Variants in CCDC198 observed in about 807,000 individuals in gnomAD.
CCDC198 encodes factor associated with metabolism and energy.
In CCDC198, 18 loss-of-function variants were observed where a neutral mutation model predicts 35.6. The ratio of observed to expected loss-of-function variants is 0.51; its 90% CI spans 0.35 to 0.75. CCDC198 has a LOEUF of 0.75. Among genes scored for constraint, CCDC198 ranks in the 30% least tolerant of loss-of-function variants. The pLI is 0.01. For missense variants in CCDC198, 365 were observed against 343.7 expected (o/e 1.06, Z -0.49); for synonymous variants, 119 against 113.4 (o/e 1.05, Z -0.31).
At chr14:57,481,781 T>C in intron 3 of CCDC198, 121 bp from the exon 4 acceptor site, 1 of 626,980 alleles carries the variant, frequency 1.6e-6, no homozygotes, top group South Asian at 2.1e-5. Context: ...TAGAGATATC[T>C]TGTGATGACA....
intron 2 of CCDC198, among the ~76,000 whole-genome samples, chr14:57,483,840 A>G (rs1030038371): frequency 6.6e-6 from 1 of 152,220 alleles, no homozygotes; most frequent in Non-Finnish European, 1.5e-5. Flanking sequence ...TTGACATGCA[A>G]TGGGGAACGT....
Position 57,481,551 on chromosome 14 carries a change from GT to G in CCDC198, c.495+7del. On this transcript the variant is annotated splice_region_variant and intron_variant, in intron 4 of 5. Coordinates refer to ENST00000216445, the MANE Select transcript of CCDC198 (RefSeq NM_018168.4). ...ATTTGGTAAATATGACACTCTTCTC[GT>G]ATTTACCTCTTGTCTTTTACGGATC... is the stretch of plus-strand genomic sequence containing the variant. 6.3e-7 allele frequency: 1 copy of G among 1,587,108 alleles called. No homozygotes were observed. Among genetic ancestry groups the G allele is most frequent in the Non-Finnish European group, 8.6e-7 (1 of 1,157,204 alleles).
chr14:57,474,872 G>T (rs2066920247), intron 5 of CCDC198, among the ~76,000 whole-genome samples: 1 of 152,216 alleles, frequency 6.6e-6, no homozygotes, highest in Non-Finnish European at 1.5e-5. Flanking sequence ...ATCACGTAAA[G>T]CATGAAAACT....
intron 5 of CCDC198, among the ~76,000 whole-genome samples, chr14:57,479,336 A>G (rs2067108083): frequency 1.3e-5 from 2 of 152,108 alleles, no homozygotes; most frequent in Non-Finnish European, 1.5e-5. Context: ...TTGTCCTCCC[A>G]CCTCAGCCTT....
In CCDC198 at chr14:57,471,537, G is replaced by A. The variant is rs1178126362; in HGVS notation, c.709C>T (p.Pro237Ser). 1 of 1,613,300 alleles carries A rather than the reference G, an allele frequency of 6.2e-7. No homozygotes were observed. The highest frequency in any genetic ancestry group is 1.7e-5 in the Admixed American group (1 of 59,912). Reference sequence around the variant, plus strand: ...GTTTCCATTTTGCCAATTTTCCAGGGACAGTAGTTATTCACTGCTTGATGT... The same window carrying A: ...GTTTCCATTTTGCCAATTTTCCAGGAACAGTAGTTATTCACTGCTTGATGT... ...LKHQAVNNYC[P>S]WKIGKMETWL... is the part of the protein sequence containing the mutation. The change falls in exon 6 of 6, where the codon CCC becomes TCC. Residue 237 changes from proline to serine, a missense_variant. Physicochemically the swap from Pro to Ser is moderately conservative, Grantham distance 74 (BLOSUM62 -1). Coordinates refer to ENST00000216445, the MANE Select transcript of CCDC198 (RefSeq NM_018168.4).
intron 2 of CCDC198, among the ~76,000 whole-genome samples, chr14:57,488,621 T>C (rs192831896): frequency 6.6e-6 from 1 of 152,326 alleles, no homozygotes; most frequent in Admixed American, 6.5e-5. Context: ...TTTTGCAGTC[T>C]ATCCATCTGA....
chr14:57,478,480 G>A (rs148020395), intron 5 of CCDC198: 17,360 of 986,182 alleles, frequency 0.018, 171 homozygotes, highest in Non-Finnish European at 0.019. Flanking sequence ...TGAACAAAAC[G>A]AAGCAGCTTT....
intron 5 of CCDC198, among the ~76,000 whole-genome samples, chr14:57,479,592 C>T (rs1009090913): frequency 6.6e-6 from 1 of 152,110 alleles, no homozygotes; most frequent in Non-Finnish European, 1.5e-5. Context: ...GGGGTATGAC[C>T]TCCATTTTTG....
intron 5 of CCDC198, among the ~76,000 whole-genome samples, chr14:57,475,879 G>A (rs1349771100): frequency 7.9e-6 from 1 of 126,586 alleles, no homozygotes; most frequent in Non-Finnish European, 1.6e-5. Flanking sequence ...TCGGCTTACT[G>A]CAACCTCTGC....
chr14:57,486,783 A>C (rs2067375814), intron 2 of CCDC198, among the ~76,000 whole-genome samples: 5 of 152,150 alleles, frequency 3.3e-5, no homozygotes, highest in Admixed American at 3.3e-4. Flanking sequence ...TAGTATAAAT[A>C]TGTAGTTTCA....
chr14:57,480,628 T>C lies in CCDC198; in HGVS notation c.622A>G (p.Met208Val), dbSNP rs1028616938. The C allele has an allele frequency of 6.2e-7, 1 of 1,614,166 alleles. No individual in the cohort carries two copies. Among genetic ancestry groups the C allele is most frequent in the Non-Finnish European group, 8.5e-7 (1 of 1,180,012 alleles). Reference protein sequence around the residue: ...PRNDDHDLLTMLPDEILNRGP... With the variant: ...PRNDDHDLLTVLPDEILNRGP... ...CTGTTCAAGATTTCATCAGGCAACA[T>C]GGTTAGAAGGTCATGGTCATCATTC... Residue 208 changes from methionine to valine, a missense_variant, in exon 5 of 6, where the codon ATG becomes GTG. Transcript: ENST00000216445.
chr14:57,486,448 G>A (rs113032771), intron 2 of CCDC198, among the ~76,000 whole-genome samples: 2,255 of 151,660 alleles, frequency 0.015, 53 homozygotes, highest in African/African-American at 0.052. Context: ...ATCCAAAATG[G>A]CTTATCATCA....
intron 5 of CCDC198, among the ~76,000 whole-genome samples, chr14:57,479,643 T>C (rs890444205): frequency 1.3e-5 from 2 of 152,170 alleles, no homozygotes; most frequent in African/African-American, 4.8e-5. Context: ...ATGATGCTTG[T>C]ATGTGGTAAT....
At position 57,493,689 on chromosome 14, in the gene CCDC198, G is replaced by T. The variant is rs759355354; in HGVS notation, c.27C>A (p.His9Gln). The change falls in exon 1 of 6, where the codon CAC (histidine) becomes CAA (glutamine). Residue 9 changes from histidine (H) to glutamine (Q), a missense_variant. Physicochemically the swap from His to Gln is conservative, Grantham distance 24. Transcript: ENST00000216445. MGLSHSKT[H>Q]LRVIKVAPLQ... ...AAGGTGCTACTTTGATCACCCTAAG[G>T]TGAGTCTTAGAGTGACTCAGGCCCA... 6.2e-7 allele frequency: 1 copy of T among 1,613,412 alleles called. No individual in the cohort carries two copies. Among genetic ancestry groups the T allele is most frequent in the Middle Eastern group, 1.7e-4 (1 of 6,054 alleles).
intron 5 of CCDC198, among the ~76,000 whole-genome samples, chr14:57,472,793 C>CAG (rs1566569721): frequency 3.3e-5 from 5 of 152,244 alleles, no homozygotes; most frequent in African/African-American, 1.2e-4. Flanking sequence ...CTCCAGAAAG[C>CAG]AACAGGAGCT....
intron 5 of CCDC198, chr14:57,478,909 C>G: frequency 8.0e-7 from 1 of 1,251,452 alleles, no homozygotes; most frequent in Non-Finnish European, 1.0e-6. Context: ...AGAGACATAG[C>G]CAGCTTTTCT....
chr14:57,492,083 A>G (rs536428779), intron 1 of CCDC198, among the ~76,000 whole-genome samples: 9 of 151,914 alleles, frequency 5.9e-5, no homozygotes, highest in African/African-American at 1.9e-4. Flanking sequence ...ACTAATCCTT[A>G]TTTTTTTTAT....
intron 2 of CCDC198, 167 bp from the exon 3 acceptor site, chr14:57,483,318 G>T: frequency 1.0e-6 from 1 of 990,772 alleles, no homozygotes; most frequent in Non-Finnish European, 1.5e-6. Context: ...GGTACAAAGG[G>T]CTTTTCAACC....
chr14:57,491,030 C>G lies in CCDC198; in HGVS notation c.265G>C (p.Glu89Gln), dbSNP rs1269390866. The stretch of plus-strand genomic sequence containing the variant: ...GGATGCCTTTTAATAATACTTGTTT[C>G]TCTGTGTTCCAGTGGGATGTCAAAA... ...MYFDIPLEHR[E>Q]TSIIKRHPPQ... Residue 89 changes from glutamate to glutamine, a missense_variant, in exon 2 of 6, where the codon GAA (glutamate) becomes CAA (glutamine). By Grantham distance (29) the Glu-to-Gln change is conservative. Coordinates refer to ENST00000216445, the MANE Select transcript of CCDC198 (RefSeq NM_018168.4). 6.2e-7 allele frequency: 1 copy of G among 1,610,306 alleles called. No homozygotes were observed. The highest frequency in any genetic ancestry group is 1.1e-5 in the South Asian group (1 of 90,932).
Sources: allele counts gnomAD v4.1 joint callset (sites outside exome capture counted in the v4.1 genomes callset), GRCh38; gene constraint gnomAD v4.1.1; transcripts MANE v1.5; gene names NCBI Gene and HGNC (gene_info 2026-07-23, HGNC 2026-07-21).